SPG21: variants seen among roughly 807,000 people sequenced by gnomAD.
SPG21 encodes SPG21 abhydrolase domain containing, maspardin, also known as maspardin.
A neutral mutation model predicts 38.9 loss-of-function variants in SPG21; 26 were observed. The ratio of observed to expected loss-of-function variants is 0.67; its 90% CI spans 0.49 to 0.93. The LOEUF (loss-of-function observed/expected upper bound fraction) is 0.93, where lower values mean the gene tolerates loss of function less well. SPG21 is among the 40% of genes least tolerant of loss of function. The probability of loss-of-function intolerance (pLI) is 0.00; values close to 1 mark genes in which losing one functional copy is unlikely to be tolerated. For missense variants in SPG21, 333 were observed against 376.5 expected (o/e 0.88, Z 0.96); for synonymous variants, 136 against 128.9 (o/e 1.05, Z -0.37).
intron 1 of SPG21, among the ~76,000 whole-genome samples, chr15:64,988,112 C>T (rs925315067): frequency 1.3e-5 from 2 of 152,086 alleles, no homozygotes; most frequent in Non-Finnish European, 2.9e-5. Context: ...ATCCCAGCTA[C>T]TTAGGAGGCT....
At chr15:64,984,349 TG>T (rs146305257) in intron 1 of SPG21, among the ~76,000 whole-genome samples, 6,483 of 152,238 alleles carry the variant, frequency 0.043, 185 homozygotes, top group Non-Finnish European at 0.06. Context: ...AAGGAGTTGA[TG>T]TTTTTTTACT....
chr15:64,973,041 G>A (rs1445446703), intron 5 of SPG21, among the ~76,000 whole-genome samples: 1 of 152,078 alleles, frequency 6.6e-6, no homozygotes, highest in Non-Finnish European at 1.5e-5. Context: ...GTGGCTCACT[G>A]CAGCCTTGAA....
At position 64,974,622 on chromosome 15, in the gene SPG21, G is replaced by T; in HGVS notation, c.432C>A (p.Asn144Lys). Residue 144 changes from asparagine to lysine, a missense_variant, in exon 5 of 9, where the codon AAC (asparagine) becomes AAA (lysine). Transcript: ENST00000204566. The part of the protein sequence containing the change: ...CNSFSDTSIF[N>K]QTWTANSFWL... Reference sequence around the variant, plus strand: ...CTTACCTGTTTGCAGTCCAAGTTTGGTTGAAGATAGAGGTGTCACTGAAGG... The same window carrying T: ...CTTACCTGTTTGCAGTCCAAGTTTGTTTGAAGATAGAGGTGTCACTGAAGG... The T allele has an allele frequency of 6.2e-7, 1 of 1,614,158 alleles. No individual in the cohort carries two copies. The highest frequency in any genetic ancestry group is 8.5e-7 in the Non-Finnish European group (1 of 1,180,042).
chr15:64,976,525 C>T lies in SPG21; in HGVS notation c.256G>A (p.Glu86Lys), dbSNP rs747582988. Residue 86 changes from glutamate to lysine, a missense_variant, in exon 4 of 9, where the codon GAG becomes AAG. Transcript: ENST00000204566. ...AGTTTTCTGAATCCATCACAGAACT[C>T]GAGATGGTCCCAATAAACTGGATAC... ...LQYPVYWDHL[E>K]FCDGFRKLLD... 11 of 1,612,806 alleles carry T rather than the reference C, an allele frequency of 6.8e-6. No individual in the cohort carries two copies. The highest frequency in any genetic ancestry group is 8.5e-6 in the Non-Finnish European group (10 of 1,179,140).
chr15:64,980,935 CAG>C lies in SPG21; in HGVS notation c.152_153del (p.Pro51ArgfsTer38), dbSNP rs759731101. ...SIRCPLIFLP[P>X]VSGTADVFFR... ...AAAAAGACATCTGCAGTTCCACTGA[CAG>C]GGGGCAGGAATATGAGAGGACACCT... On this transcript the variant is annotated frameshift_variant, in exon 3 of 9. Coordinates refer to ENST00000204566, the MANE Select transcript of SPG21 (RefSeq NM_016630.7). LOFTEE classifies it high-confidence loss of function. 5.6e-6 allele frequency: 9 copies of C among 1,614,036 alleles called. No homozygotes were observed. The highest frequency in any genetic ancestry group is 2.2e-5 in the East Asian group (1 of 44,876).
At chr15:64,987,591 A>C (rs1188875816) in intron 1 of SPG21, 3 of 152,270 alleles carry the variant, frequency 2.0e-5, no homozygotes, top group African/African-American at 7.2e-5. Context: ...ATCTCTCATG[A>C]TTTTGTTCTT....
chr15:64,980,421 G>A (rs2085859083), intron 3 of SPG21, among the ~76,000 whole-genome samples: 1 of 152,012 alleles, frequency 6.6e-6, no homozygotes, highest in East Asian at 1.9e-4. Flanking sequence ...ATTAAAATAA[G>A]CAAACAGTAT....
At chr15:64,976,639 C>A in intron 3 of SPG21, 84 bp from the exon 4 acceptor site, 1 of 1,077,578 alleles carries the variant, frequency 9.3e-7, no homozygotes, top group Non-Finnish European at 1.4e-6. Context: ...AGGACTCAAA[C>A]ACTGACATTT....
Position 64,980,296 on chromosome 15 carries a change from G to A in SPG21, c.225+568C>T, listed in dbSNP as rs532232666. 4.6e-5 allele frequency among the ~76,000 whole-genome samples: 7 copies of A among 152,282 alleles called. No homozygotes were observed. In the East Asian group the frequency reaches 1.3e-3, roughly 29 times the overall value. On this transcript the variant is annotated intron_variant, in intron 3 of 8. Coordinates refer to ENST00000204566, the MANE Select transcript of SPG21 (RefSeq NM_016630.7). Reference sequence around the variant, plus strand: ...CTGAGTTGAGAGAAGGGCGTCAGGAGAGAATGCACGTAAATGCTGGGCATG... The same window carrying A: ...CTGAGTTGAGAGAAGGGCGTCAGGAAAGAATGCACGTAAATGCTGGGCATG...
intron 3 of SPG21, among the ~76,000 whole-genome samples, chr15:64,977,076 T>G (rs1036478165): frequency 6.6e-6 from 1 of 152,170 alleles, no homozygotes; most frequent in Non-Finnish European, 1.5e-5. Flanking sequence ...GGGTGTCTGT[T>G]TGTTTCTTGA....
intron 3 of SPG21, among the ~76,000 whole-genome samples, chr15:64,977,609 G>T (rs1472814175): frequency 1.3e-5 from 2 of 152,080 alleles, no homozygotes; most frequent in African/African-American, 4.8e-5. Context: ...CAAGCGATTT[G>T]CCTGCCTCAA....
At chr15:64,981,256 G>A (rs2085879740) in intron 2 of SPG21, 2 of 519,600 alleles carry the variant, frequency 3.8e-6, no homozygotes, top group South Asian at 4.5e-5. Context: ...ATCTTCCAAA[G>A]GGCTGCTGCT....
rs2085491841 is a variant in SPG21 at position 64,963,700 on chromosome 15, C to A, written c.847G>T (p.Ala283Ser). 1 of 1,614,012 alleles carries A rather than the reference C, an allele frequency of 6.2e-7. No individual in the cohort carries two copies. The highest frequency in any genetic ancestry group is 1.1e-5 in the South Asian group (1 of 91,076). Reference sequence around the variant, plus strand: ...GCACTGACCATTGATGGGTCAATGGCCGCGTATTTGGTTCCATGGAATTGC... The same window carrying A: ...GCACTGACCATTGATGGGTCAATGGACGCGTATTTGGTTCCATGGAATTGC... ...LLQFHGTKYAAIDPSMVSAEE... is the reference protein window; with the variant it reads ...LLQFHGTKYASIDPSMVSAEE... Residue 283 changes from alanine (A) to serine (S), a missense_variant, in exon 9 of 9, where the codon GCC (alanine) becomes TCC (serine). Physicochemically the swap from Ala to Ser is moderately conservative, Grantham distance 99 (BLOSUM62 1). Coordinates refer to ENST00000204566, the MANE Select transcript of SPG21 (RefSeq NM_016630.7).
chr15:64,980,938 G>C lies in SPG21; in HGVS notation c.151C>G (p.Pro51Ala). ...SIRCPLIFLPPVSGTADVFFR... is the reference protein window; with the variant it reads ...SIRCPLIFLPAVSGTADVFFR... ...AAGACATCTGCAGTTCCACTGACAG[G>C]GGGCAGGAATATGAGAGGACACCTG... The change falls in exon 3 of 9, where the codon CCT becomes GCT. Residue 51 changes from proline (P) to alanine (A), a missense_variant. Physicochemically the swap from Pro to Ala is conservative, Grantham distance 27 (BLOSUM62 -1). Coordinates refer to ENST00000204566, the MANE Select transcript of SPG21 (RefSeq NM_016630.7). 1 of 1,614,120 alleles carries C rather than the reference G, an allele frequency of 6.2e-7. No homozygotes were observed. Among genetic ancestry groups the C allele is most frequent in the East Asian group, 2.2e-5 (1 of 44,886 alleles).
intron 7 of SPG21, among the ~76,000 whole-genome samples, chr15:64,967,526 T>C (rs1462298787): frequency 6.6e-6 from 1 of 151,678 alleles, no homozygotes; most frequent in Non-Finnish European, 1.5e-5. Context: ...CAGGCTGGAA[T>C]GCAGTGGTGC....
At chr15:64,971,063 T>A (rs12913199) in intron 5 of SPG21, among the ~76,000 whole-genome samples, 52,211 of 151,482 alleles carry the variant, frequency 0.34, 10,089 homozygotes, top group South Asian at 0.49. Context: ...TTAAAAAATT[T>A]AAAAAAAAAC....
At chr15:64,987,011 G>A (rs1277852934) in intron 1 of SPG21, among the ~76,000 whole-genome samples, 2 of 152,198 alleles carry the variant, frequency 1.3e-5, no homozygotes. Context: ...GCCAGAAAGT[G>A]TGCTTCTAGA....
At chr15:64,975,419 T>C (rs4365241) in intron 4 of SPG21, among the ~76,000 whole-genome samples, 19,402 of 151,336 alleles carry the variant, frequency 0.13, 1,335 homozygotes, top group East Asian at 0.26. Flanking sequence ...TCCTAGCTAC[T>C]TGGGAGGTTG....
At chr15:64,969,978 A>G (rs1419712296) in intron 6 of SPG21, 136 bp downstream of exon 6, 4 of 814,784 alleles carry the variant, frequency 4.9e-6, no homozygotes, top group Admixed American at 1.7e-5. Flanking sequence ...ACCAGCAATA[A>G]TATCTGCTCA....
Sources: allele counts gnomAD v4.1 joint callset (sites outside exome capture counted in the v4.1 genomes callset), GRCh38; gene constraint gnomAD v4.1.1; transcripts MANE v1.5; gene names NCBI Gene and HGNC (gene_info 2026-07-23, HGNC 2026-07-21).